Variants in SNED1 observed in about 807,000 individuals in gnomAD.
SNED1 encodes the protein sushi, nidogen and EGF like domains 1, also known as sushi, nidogen and EGF-like domain-containing protein 1.
SNED1 carries 81 observed loss-of-function variants against 166.7 expected under a neutral mutation model. The ratio of observed to expected loss-of-function variants is 0.49; its 90% CI spans 0.41 to 0.58. The LOEUF is 0.58. SNED1 is among the 20% of genes least tolerant of loss of function. SNED1 has a pLI of 0.00. For synonymous variants in SNED1, 762 were observed against 822.0 expected, an observed-to-expected ratio of 0.93 and a Z score of 1.25; for missense variants, 1,604 against 2,000.2, an observed-to-expected ratio of 0.80 and a Z score of 3.78.
intron 8 of SNED1, among the ~76,000 whole-genome samples, chr2:241,041,551 G>A (rs138125238): frequency 6.6e-6 from 1 of 152,276 alleles, no homozygotes; most frequent in African/African-American, 2.4e-5. Flanking sequence ...CAGACGTGGT[G>A]CTGCATGCCT....
At position 241,047,510 on chromosome 2, in the gene SNED1, C is replaced by A. The variant is rs141262555; in HGVS notation, c.1274-805C>A. Among the ~76,000 whole-genome samples, 7 of 152,282 alleles carry A rather than the reference C, an allele frequency of 4.6e-5. No individual in the cohort carries two copies. The East Asian group carries it at 1.3e-3, about 29-fold the overall frequency. On this transcript the variant is annotated intron_variant, in intron 8 of 31. Coordinates refer to ENST00000310397, the MANE Select transcript of SNED1 (RefSeq NM_001080437.3). Reference sequence around the variant, plus strand: ...CTACTTGGCATTTATAGAGCACTCACGTTATTCTCAAGTGCTCTTGGCCAT... The same window carrying A: ...CTACTTGGCATTTATAGAGCACTCAAGTTATTCTCAAGTGCTCTTGGCCAT...
chr2:241,080,746 A>C (rs560019010), intron 27 of SNED1, among the ~76,000 whole-genome samples: 26 of 152,340 alleles, frequency 1.7e-4, no homozygotes, highest in East Asian at 7.7e-4. Context: ...CAGAAAGAAG[A>C]AGCAACCTAG....
At position 241,094,379 on chromosome 2, in the gene SNED1, T is replaced by C; in HGVS notation, c.*2743T>C. The stretch of plus-strand genomic sequence containing the variant: ...GTGGACGGAGTCACCGAGCTGCTTT[T>C]CTTTTGCAAAACAAAAGTCTTTTTC... On this transcript the variant is annotated 3_prime_UTR_variant, in exon 32 of 32. Transcript: ENST00000310397. This position sits in a 1 kb window ranked among gnomAD's most constrained non-coding sequence, Gnocchi z 4.3. 1 of 471,060 alleles carries C rather than the reference T, an allele frequency of 2.1e-6. No individual in the cohort carries two copies. Among genetic ancestry groups the C allele is most frequent in the South Asian group, 1.5e-5 (1 of 64,562 alleles). The allele number at this position is 471,060 out of a possible 1,614,324, so 29.2% of individuals were successfully genotyped here.
intron 29 of SNED1, among the ~76,000 whole-genome samples, chr2:241,086,165 C>G (rs2063563765): frequency 6.6e-6 from 1 of 152,166 alleles, no homozygotes; most frequent in African/African-American, 2.4e-5. Flanking sequence ...CCGCACCTGG[C>G]CCTGTCTGGG....
chr2:241,036,173 G>A (rs1574949056), intron 4 of SNED1, among the ~76,000 whole-genome samples: 1 of 151,714 alleles, frequency 6.6e-6, no homozygotes, highest in South Asian at 2.1e-4. Context: ...AGATGCAGTC[G>A]CAGGGCGGGA....
rs538607754 is a variant in SNED1 at position 241,052,249 on chromosome 2, C to A, written c.1969+92C>A. 1.8e-5 allele frequency: 26 copies of A among 1,453,280 alleles called. No individual in the cohort carries two copies. In the South Asian group the frequency reaches 2.9e-4, roughly 16 times the overall value. The allele number at this position is 1,453,280 out of a possible 1,614,324, so 90.0% of individuals were successfully genotyped here. The stretch of plus-strand genomic sequence containing the variant: ...GCCCATGGGCAGGGCTGGTCCAGGC[C>A]CTGGAGGCGCAGGAGGTGGAGCTGG... On this transcript the variant is annotated intron_variant, in intron 14 of 31. Transcript: ENST00000310397.
At chr2:241,017,032 G>A (rs1387423236) in intron 1 of SNED1, among the ~76,000 whole-genome samples, 2 of 151,824 alleles carry the variant, frequency 1.3e-5, no homozygotes, top group Non-Finnish European at 1.5e-5. Context: ...TGTATTTTTA[G>A]TAGAGACGGG....
chr2:241,064,946 A>C lies in SNED1; in HGVS notation c.2702A>C (p.Asp901Ala). 1 of 1,584,070 alleles carries C rather than the reference A, an allele frequency of 6.3e-7. No homozygotes were observed. The highest frequency in any genetic ancestry group is 8.6e-7 in the Non-Finnish European group (1 of 1,168,676). ...CTCKVGYTGE[D>A]CAKELFPPTA... ...TGCAAAGTGGGCTACACGGGCGAGG[A>C]CTGCGCCAAAGGTGGGTGGCGAGGG... The change falls in exon 20 of 32, where the codon GAC becomes GCC. Residue 901 changes from aspartate (D) to alanine (A), a missense_variant. Physicochemically the swap from Asp to Ala is moderately radical, Grantham distance 126 (BLOSUM62 -2). Around this residue, in one of 2 missense-constraint regions of SNED1, gnomAD observed 1,237 missense variants for 1,620.8 expected, o/e 0.76. Coordinates refer to ENST00000310397, the MANE Select transcript of SNED1 (RefSeq NM_001080437.3). This position sits in a 1 kb window ranked among gnomAD's most constrained non-coding sequence, Gnocchi z 7.0.
chr2:241,086,781 A>G (rs1257366613), intron 29 of SNED1, among the ~76,000 whole-genome samples: 1 of 152,234 alleles, frequency 6.6e-6, no homozygotes, highest in Non-Finnish European at 1.5e-5. Flanking sequence ...CTGACATTTG[A>G]GAACTTTAAC....
In SNED1 at chr2:241,093,703, A is replaced by C. The variant is rs1257045414; in HGVS notation, c.*2067A>C. 1.3e-5 allele frequency: 2 copies of C among 152,304 alleles called. No homozygotes were observed. The highest frequency in any genetic ancestry group is 2.4e-5 in the African/African-American group (1 of 41,458). The allele number at this position is 152,304 out of a possible 1,614,324, so 9.4% of individuals were successfully genotyped here. ...ACTTGCCCATTGGGATGTTTTCCACATTAAATATCAAGTAAAAAGACTTCC... is the reference window on the plus strand; with the variant it reads ...ACTTGCCCATTGGGATGTTTTCCACCTTAAATATCAAGTAAAAAGACTTCC... On this transcript the variant is annotated 3_prime_UTR_variant, in exon 32 of 32. Transcript: ENST00000310397.
rs2062591607 is a variant in SNED1, at chr2:241,069,079, GCTTC to G, written c.3307+62_3307+65del. 6.3e-6 allele frequency: 8 copies of G among 1,273,266 alleles called. No homozygotes were observed. The Admixed American group carries it at 1.1e-4, about 17-fold the overall frequency. The allele number at this position is 1,273,266 out of a possible 1,614,324, so 78.9% of individuals were successfully genotyped here. ...GAAAGGCCGTCTTCTAGAAGCTCTG[GCTTC>G]CTTCCAGCCTCCCCTAGTCCTCTCC... On this transcript the variant is annotated intron_variant, in intron 23 of 31. Coordinates refer to ENST00000310397, the MANE Select transcript of SNED1 (RefSeq NM_001080437.3). This position sits in a 1 kb window ranked among gnomAD's most constrained non-coding sequence, Gnocchi z 4.9.
At chr2:240,997,965 G>A (rs1460502917), upstream of SNED1, among the ~76,000 whole-genome samples, 1 of 152,190 alleles carries the variant, frequency 6.6e-6, no homozygotes, top group Non-Finnish European at 1.5e-5. Context: ...TCAGAGTCCT[G>A]CCCCCACCTG....
At chr2:241,065,647 C>G (rs2062412847) in intron 21 of SNED1, 52 bp downstream of exon 21, 1 of 1,517,654 alleles carries the variant, frequency 6.6e-7, no homozygotes, top group Admixed American at 1.9e-5. Flanking sequence ...CCCTCGAGGG[C>G]AGCGCTGGCC....
rs909753347 is a variant in SNED1, at chr2:241,067,027, G to A, written c.3011-737G>A. On this transcript the variant is annotated intron_variant, in intron 21 of 31. Coordinates refer to ENST00000310397, the MANE Select transcript of SNED1 (RefSeq NM_001080437.3). The stretch of plus-strand genomic sequence containing the variant: ...AGGAGCTGCCAGGGGCTGAGTAGGG[G>A]TGGCTCGCCTGGGCTGTTTTAGGAA... Among the ~76,000 whole-genome samples the A allele has an allele frequency of 3.3e-5, 5 of 152,366 alleles. No homozygotes were observed. The South Asian group carries it at 1.0e-3, about 32-fold the overall frequency.
chr2:241,045,614 CA>C (rs778163968), intron 8 of SNED1, among the ~76,000 whole-genome samples: 1 of 150,740 alleles, frequency 6.6e-6, no homozygotes, highest in Non-Finnish European at 1.5e-5. Context: ...AAAAAAACCT[CA>C]ACTTCAACCT....
intron 8 of SNED1, among the ~76,000 whole-genome samples, 165 bp downstream of exon 8, chr2:241,040,578 G>A (rs1358743072): frequency 6.6e-6 from 1 of 152,122 alleles, no homozygotes; most frequent in African/African-American, 2.4e-5. Context: ...AGCGCTTCCC[G>A]CTCAGCCTGG....
intron 1 of SNED1, among the ~76,000 whole-genome samples, chr2:241,016,617 A>T (rs914883922): frequency 1.3e-5 from 2 of 152,162 alleles, no homozygotes; most frequent in Non-Finnish European, 2.9e-5. Flanking sequence ...TGTCTTTGTT[A>T]AATTTTAGTA....
chr2:241,033,051 T>G (rs536960299), intron 2 of SNED1, among the ~76,000 whole-genome samples: 1 of 152,362 alleles, frequency 6.6e-6, no homozygotes, highest in East Asian at 1.9e-4. Context: ...AACATCACAC[T>G]TAAAAGTCCT....
intron 27 of SNED1, chr2:241,074,587 C>T (rs965663437): frequency 6.6e-6 from 1 of 152,166 alleles, no homozygotes; most frequent in Non-Finnish European, 1.5e-5. Context: ...AGATGACCCC[C>T]GGGCTGGCCC....
Sources: allele counts gnomAD v4.1 joint callset (sites outside exome capture counted in the v4.1 genomes callset), GRCh38; gene constraint gnomAD v4.1.1; regional missense constraint gnomAD v4.1.1; non-coding constraint Gnocchi (gnomAD v3.1); transcripts MANE v1.5; gene names NCBI Gene and HGNC (gene_info 2026-07-23, HGNC 2026-07-21).